Variants in FGD6 observed in about 807,000 individuals in gnomAD.
The protein encoded by FGD6 is FYVE, RhoGEF and PH domain containing 6.
In FGD6, 90 loss-of-function variants were observed where a neutral mutation model predicts 149.4. The observed-to-expected ratio is 0.60, with a 90% confidence interval of 0.51 to 0.72. FGD6 has a LOEUF of 0.72. Ranked by LOEUF, FGD6 falls within the 30% of genes least tolerant of loss-of-function variation. FGD6 has a pLI of 0.00. For synonymous variants in FGD6, 527 were observed against 584.0 expected (o/e 0.90, Z 1.41); for missense variants, 1,437 against 1,684.8 (o/e 0.85, Z 2.57).
At chr12:95,161,725 A>G (rs1880646674) in intron 3 of FGD6, among the ~76,000 whole-genome samples, 2 of 152,148 alleles carry the variant, frequency 1.3e-5, no homozygotes, top group South Asian at 4.1e-4. Flanking sequence ...TTTTCAAGAG[A>G]AAGATGTCAG....
At position 95,089,623 on chromosome 12, in the gene FGD6, T is replaced by C. The variant is rs544439135; in HGVS notation, c.3924A>G (p.Leu1308=). Residue 1308 remains leucine (L), a synonymous_variant, in exon 18 of 21, where the codon TTA becomes TTG. Coordinates refer to ENST00000343958, the MANE Select transcript of FGD6 (RefSeq NM_018351.4). ...GTTTCCTCCCTGATGGAATGCTATG[T>C]AAGACTGATGATAAGGCACTTGAAG... ...KSPSSALSSV[L]HSIPSGRKQK... 6 of 1,614,030 alleles carry C rather than the reference T, an allele frequency of 3.7e-6. No homozygotes were observed. The South Asian group carries it at 6.6e-5, about 18-fold the overall frequency.
intron 5 of FGD6, among the ~76,000 whole-genome samples, chr12:95,143,190 C>T (rs1879903263): frequency 2.6e-5 from 4 of 152,044 alleles, no homozygotes; most frequent in African/African-American, 9.7e-5. Context: ...AGGGATTTAC[C>T]GGGCAAATGA....
At chr12:95,094,338 A>G (rs965295364) in intron 15 of FGD6, among the ~76,000 whole-genome samples, 1 of 152,220 alleles carries the variant, frequency 6.6e-6, no homozygotes. Context: ...CGTATTTTCT[A>G]AATTTCCTAC....
At position 95,210,725 on chromosome 12, in the gene FGD6, A is replaced by G. The variant is rs1592880183; in HGVS notation, c.559T>C (p.Leu187=). The change falls in exon 2 of 21, where the codon TTA becomes CTA. Residue 187 remains leucine (L), a synonymous_variant. Coordinates refer to ENST00000343958, the MANE Select transcript of FGD6 (RefSeq NM_018351.4). ...SVLEEELKDA[L]IHQMPPFISA... ...ATAAAAGGTGGCATTTGGTGTATTA[A>G]GGCATCTTTGAGCTCCTCTTCTAAA... is the stretch of plus-strand genomic sequence containing the variant. 6.2e-7 allele frequency: 1 copy of G among 1,614,002 alleles called. No homozygotes were observed. Among genetic ancestry groups the G allele is most frequent in the African/African-American group, 1.3e-5 (1 of 75,020 alleles).
chr12:95,087,203 G>A (rs1877909672), intron 18 of FGD6, among the ~76,000 whole-genome samples: 1 of 152,090 alleles, frequency 6.6e-6, no homozygotes, highest in Admixed American at 6.6e-5. Flanking sequence ...AAAATGTTTA[G>A]GATCTACCTT....
intron 20 of FGD6, among the ~76,000 whole-genome samples, chr12:95,083,674 C>G (rs903208889): frequency 6.6e-6 from 1 of 152,088 alleles, no homozygotes; most frequent in Non-Finnish European, 1.5e-5. Context: ...GGCTGGTATT[C>G]AGGGATGTGT....
chr12:95,084,401 T>A (rs1877791408), intron 20 of FGD6, 97 bp downstream of exon 20: 5 of 989,682 alleles, frequency 5.1e-6, no homozygotes, highest in Middle Eastern at 4.6e-4. Context: ...ATGTAAATTT[T>A]GAGTTGTCCC....
At position 95,209,023 on chromosome 12, in the gene FGD6, T is replaced by C. The variant is rs1231459663; in HGVS notation, c.2261A>G (p.Tyr754Cys). Residue 754 changes from tyrosine to cysteine, a missense_variant, in exon 2 of 21, where the codon TAT becomes TGT. Transcript: ENST00000343958. ...GTTCTCGTACTCTGGTATTTCCTCA[T>C]AATGGCGTATATTTTCATACTCCGG... ...CAPEYENIRH[Y>C]EEIPEYENLP... is the part of the protein sequence containing the mutation. 2.5e-6 allele frequency: 4 copies of C among 1,614,026 alleles called. No homozygotes were observed. In the African/African-American group the frequency reaches 5.3e-5, roughly 22 times the overall value.
chr12:95,108,071 G>A lies in FGD6; in HGVS notation c.3264+277C>T, dbSNP rs76894166. Among the ~76,000 whole-genome samples the A allele has an allele frequency of 5.5e-3, 839 of 152,146 alleles. 43 individuals carry two copies. In the East Asian group the frequency reaches 0.14, roughly 24 times the overall value. ...ATTGTCTTCAAAACTGTGTGAGGTCGCTGGCATCACACAAGAAAACGATCC... is the reference window on the plus strand; with the variant it reads ...ATTGTCTTCAAAACTGTGTGAGGTCACTGGCATCACACAAGAAAACGATCC... On this transcript the variant is annotated intron_variant, in intron 11 of 20. Transcript: ENST00000343958.
In FGD6 at chr12:95,149,343, A is replaced by G. The variant is rs531099730; in HGVS notation, c.2685+3468T>C. ...CATATATTATATAATATATTATATAATATATAGCATATATTATATTATATA... is the reference window on the plus strand; with the variant it reads ...CATATATTATATAATATATTATATAGTATATAGCATATATTATATTATATA... On this transcript the variant is annotated intron_variant, in intron 5 of 20. Coordinates refer to ENST00000343958, the MANE Select transcript of FGD6 (RefSeq NM_018351.4). Among the ~76,000 whole-genome samples, 379 of 108,326 alleles carry G rather than the reference A, an allele frequency of 3.5e-3. 3 individuals carry two copies. The highest frequency in any genetic ancestry group is 5.2e-3 in the Non-Finnish European group (302 of 58,006). 71.1% of individuals were successfully genotyped at this position (108,326 alleles called of 152,430 possible).
At position 95,141,477 on chromosome 12, in the gene FGD6, C is replaced by T. The variant is rs1879841545; in HGVS notation, c.2748G>A (p.Arg916=). ...AGTAGTATAGGATCTGATTTAGAAT[C>T]CGGTCCTCAATCACTGGTTTCCCAA... The part of the protein sequence containing the change: ...RQLGKPVIED[R]ILNQILYYLP... Residue 916 remains arginine, a synonymous_variant, in exon 6 of 21, where the codon CGG becomes CGA. Transcript: ENST00000343958. 6.2e-7 allele frequency: 1 copy of T among 1,613,994 alleles called. No homozygotes were observed. Among genetic ancestry groups the T allele is most frequent in the South Asian group, 1.1e-5 (1 of 91,082 alleles).
chr12:95,185,959 G>A (rs1045558563), intron 2 of FGD6, among the ~76,000 whole-genome samples: 5 of 152,136 alleles, frequency 3.3e-5, no homozygotes, highest in Non-Finnish European at 7.3e-5. Flanking sequence ...AGGAAATAAA[G>A]ACAGCTTTTT....
intron 3 of FGD6, among the ~76,000 whole-genome samples, chr12:95,155,675 A>G (rs1880448047): frequency 6.6e-6 from 1 of 152,196 alleles, no homozygotes; most frequent in South Asian, 2.1e-4. Context: ...GTAGTCAGTC[A>G]TTAGAGTGAA....
chr12:95,083,883 C>G (rs550829598), intron 20 of FGD6, among the ~76,000 whole-genome samples: 2 of 152,206 alleles, frequency 1.3e-5, no homozygotes, highest in South Asian at 4.2e-4. Flanking sequence ...TCAAAAGAGA[C>G]CTAATTTCAC....
Position 95,117,029 on chromosome 12 carries a change from T to A in FGD6, c.3083-3328A>T, listed in dbSNP as rs565449428. 653 of 406,000 alleles carry A rather than the reference T, an allele frequency of 1.6e-3. 2 individuals are homozygous for A. Among genetic ancestry groups the A allele is most frequent in the Non-Finnish European group, 2.7e-3 (556 of 205,800 alleles). The allele number at this position is 406,000 out of a possible 1,614,324, so 25.1% of individuals were successfully genotyped here. ...GACCAGACAGACACGCCTATATTGG[T>A]CATAGTGAACCACCTATTACCTATC... On this transcript the variant is annotated intron_variant, in intron 8 of 20. Transcript: ENST00000343958.
chr12:95,213,896 G>A (rs749946701), intron 1 of FGD6, among the ~76,000 whole-genome samples: 1 of 152,196 alleles, frequency 6.6e-6, no homozygotes, highest in Non-Finnish European at 1.5e-5. Context: ...TGTATTGAAG[G>A]AAGTCACAGA....
chr12:95,192,266 A>AG (rs1565920399), intron 2 of FGD6, among the ~76,000 whole-genome samples: 1 of 152,134 alleles, frequency 6.6e-6, no homozygotes, highest in African/African-American at 2.4e-5. Context: ...TGTATTTTTT[A>AG]GGGGGGAAGC....
At chr12:95,178,707 CTATAATG>C (rs1442434032) in intron 2 of FGD6, among the ~76,000 whole-genome samples, 1 of 151,696 alleles carries the variant, frequency 6.6e-6, no homozygotes, top group East Asian at 1.9e-4. Flanking sequence ...TTTTAAAATC[CTATAATG>C]TATATATGTA....
At chr12:95,172,537 G>A (rs918124507) in intron 3 of FGD6, 63 bp downstream of exon 3, 1 of 1,385,258 alleles carries the variant, frequency 7.2e-7, no homozygotes, top group East Asian at 2.4e-5. Flanking sequence ...TGCCTATTAT[G>A]CAGACAAATA....
Sources: allele counts gnomAD v4.1 joint callset (sites outside exome capture counted in the v4.1 genomes callset), GRCh38; gene constraint gnomAD v4.1.1; transcripts MANE v1.5; gene names NCBI Gene and HGNC (gene_info 2026-07-23, HGNC 2026-07-21).